The following GCFC2 variants were observed in gnomAD, a reference collection of about 807,000 sequenced individuals.
The protein encoded by GCFC2 is GC-rich sequence DNA-binding factor 2.
A neutral mutation model predicts 99.4 loss-of-function variants in GCFC2; 102 were observed. That is an observed-to-expected ratio of 1.03 (90% CI 0.87 to 1.21). GCFC2 has a LOEUF of 1.21. Ranked by LOEUF, GCFC2 falls within the 50% of genes most tolerant of loss-of-function variation. GCFC2 has a pLI of 0.00. For missense variants in GCFC2, 973 were observed against 920.9 expected, an observed-to-expected ratio of 1.06 and a Z score of -0.73; for synonymous variants, 338 against 316.8, an observed-to-expected ratio of 1.07 and a Z score of -0.71.
Position 75,710,584 on chromosome 2 carries a change from T to G in GCFC2, c.265+7A>C. On this transcript the variant is annotated splice_region_variant and intron_variant, in intron 1 of 16. Transcript: ENST00000321027. ...ACCTCCCCGCTTCCCCGCGTCTCCC[T>G]GGACACCTGAGCCTTCGTCCGCGCG... The G allele has an allele frequency of 6.6e-7, 1 of 1,507,660 alleles. No individual in the cohort carries two copies. Among genetic ancestry groups the G allele is most frequent in the Non-Finnish European group, 8.8e-7 (1 of 1,135,160 alleles). 93.4% of individuals were successfully genotyped at this position (1,507,660 alleles called of 1,614,324 possible). A position where few individuals can be genotyped will look rare whatever the true frequency, so the allele number is the denominator to read the frequency against.
chr2:75,705,426 A>G (rs774377948), intron 2 of GCFC2, among the ~76,000 whole-genome samples: 24 of 152,160 alleles, frequency 1.6e-4, no homozygotes, highest in Non-Finnish European at 3.2e-4. Context: ...GATCGAGACC[A>G]TCTTGGCTAA....
chr2:75,675,674 G>T (rs1679297754), intron 12 of GCFC2, among the ~76,000 whole-genome samples: 2 of 151,032 alleles, frequency 1.3e-5, no homozygotes, highest in African/African-American at 4.9e-5. Flanking sequence ...AACACAGGAG[G>T]TGGAGGTTGC....
upstream of GCFC2, among the ~76,000 whole-genome samples, chr2:75,712,514 G>A (rs1573107560): frequency 6.6e-6 from 1 of 152,334 alleles, no homozygotes; most frequent in South Asian, 2.1e-4. Context: ...TCAGCAGGAT[G>A]TGGGTGGGGC....
At chr2:75,703,148 G>A (rs1239379659) in intron 2 of GCFC2, among the ~76,000 whole-genome samples, 1 of 151,818 alleles carries the variant, frequency 6.6e-6, no homozygotes, top group East Asian at 1.9e-4. Flanking sequence ...AATTTAAAAC[G>A]AGTTTCTTCA....
rs151110839 is a variant in GCFC2 at position 75,686,615 on chromosome 2, G to A, written c.1690+1212C>T. On this transcript the variant is annotated intron_variant, in intron 11 of 16. Coordinates refer to ENST00000321027, the MANE Select transcript of GCFC2 (RefSeq NM_003203.5). ...AAAAATTAGCTGGGTATGGTGGCAC[G>A]CGCCTGGAGTCCTAGCTAATTGGGA... Among the ~76,000 whole-genome samples the A allele has an allele frequency of 1.9e-4, 29 of 152,180 alleles. No individual in the cohort carries two copies. The East Asian group carries it at 5.2e-3, about 27-fold the overall frequency.
At chr2:75,709,302 C>T (rs1190454422) in intron 1 of GCFC2, among the ~76,000 whole-genome samples, 2 of 152,132 alleles carry the variant, frequency 1.3e-5, no homozygotes, top group African/African-American at 4.8e-5. Context: ...AAAAGGAACT[C>T]CTGACTTCAA....
chr2:75,701,546 A>C (rs1680591303), intron 3 of GCFC2, among the ~76,000 whole-genome samples: 1 of 152,164 alleles, frequency 6.6e-6, no homozygotes, highest in African/African-American at 2.4e-5. Flanking sequence ...CATAACCTGC[A>C]CTCCTATCAC....
intron 12 of GCFC2, among the ~76,000 whole-genome samples, chr2:75,675,453 A>G (rs898316298): frequency 2.6e-5 from 4 of 152,174 alleles, no homozygotes; most frequent in Admixed American, 2.0e-4. Flanking sequence ...ACAAAACATA[A>G]ATTCACTGGC....
In GCFC2 at chr2:75,684,651, T is replaced by C. The variant is rs557104297; in HGVS notation, c.1690+3176A>G. Among the ~76,000 whole-genome samples, 24 of 152,362 alleles carry C rather than the reference T, an allele frequency of 1.6e-4. No individual in the cohort carries two copies. In the East Asian group the frequency reaches 4.2e-3, roughly 27 times the overall value. ...CCATTGTGGAAGACAGTGTGGCGAC[T>C]GCTCAAGGATCTAGAACTAGAAATA... is the stretch of plus-strand genomic sequence containing the variant. On this transcript the variant is annotated intron_variant, in intron 11 of 16. Coordinates refer to ENST00000321027, the MANE Select transcript of GCFC2 (RefSeq NM_003203.5).
chr2:75,698,033 A>C (rs539723069), intron 4 of GCFC2: 1 of 152,380 alleles, frequency 6.6e-6, no homozygotes, highest in East Asian at 1.9e-4. Context: ...CAGGAGCCAC[A>C]GGAAAGTAAC....
At chr2:75,701,503 T>C (rs1373066932) in intron 3 of GCFC2, 1 of 502,782 alleles carries the variant, frequency 2.0e-6, no homozygotes. Context: ...AGGACTATGT[T>C]GAAGCTGGAA....
chr2:75,706,584 A>T lies in GCFC2; in HGVS notation c.333T>A (p.Asp111Glu). Reference protein sequence around the residue: ...DKIHHSSESKDDQGLSSDSSS... With the variant: ...DKIHHSSESKEDQGLSSDSSS... ...AACTGTCAGAAGACAAACCCTGATCATCCTTACTTTCTGAGGAGTGATGTA... is the reference window on the plus strand; with the variant it reads ...AACTGTCAGAAGACAAACCCTGATCTTCCTTACTTTCTGAGGAGTGATGTA... The change falls in exon 2 of 17, where the codon GAT (aspartate) becomes GAA (glutamate). Residue 111 changes from aspartate to glutamate, a missense_variant. Asp to Glu is a conservative substitution (Grantham distance 45). Transcript: ENST00000321027. 1 of 1,600,168 alleles carries T rather than the reference A, an allele frequency of 6.2e-7. No individual in the cohort carries two copies. Among genetic ancestry groups the T allele is most frequent in the Non-Finnish European group, 8.6e-7 (1 of 1,167,456 alleles).
intron 5 of GCFC2, among the ~76,000 whole-genome samples, chr2:75,695,820 C>T (rs909955907): frequency 4.6e-5 from 7 of 152,124 alleles, no homozygotes; most frequent in African/African-American, 1.7e-4. Context: ...GCTTACAGAG[C>T]AAAGAGATGC....
intron 4 of GCFC2, among the ~76,000 whole-genome samples, chr2:75,700,481 C>T (rs1427979317): frequency 6.6e-5 from 10 of 151,490 alleles, no homozygotes; most frequent in Admixed American, 6.6e-4. Flanking sequence ...GTAGATATAC[C>T]ATTGCGGTGA....
At chr2:75,670,939 T>C (rs2104211639) in intron 14 of GCFC2, 1 of 152,344 alleles carries the variant, frequency 6.6e-6, no homozygotes, top group African/African-American at 2.4e-5. Flanking sequence ...GTTGATGTTG[T>C]TCCCTCTTCC....
At chr2:75,691,829 T>C (rs1358774089) in intron 7 of GCFC2, 148 bp downstream of exon 7, 2 of 333,864 alleles carry the variant, frequency 6.0e-6, no homozygotes, top group East Asian at 1.1e-4. Flanking sequence ...GTCCTATTTC[T>C]AAATGTTTTG....
intron 6 of GCFC2, among the ~76,000 whole-genome samples, chr2:75,693,877 C>G (rs1463445064): frequency 6.6e-6 from 1 of 152,038 alleles, no homozygotes; most frequent in Non-Finnish European, 1.5e-5. Context: ...TATTCCTAAT[C>G]TAGTAAACTA....
In GCFC2 at chr2:75,706,598, A is replaced by T. The variant is rs1680876742; in HGVS notation, c.319T>A (p.Ser107Thr). Reference protein sequence around the residue: ...TDEEDKIHHSSESKDDQGLSS... With the variant: ...TDEEDKIHHSTESKDDQGLSS... The stretch of plus-strand genomic sequence containing the variant: ...AAACCCTGATCATCCTTACTTTCTG[A>T]GGAGTGATGTATTTTATCCTCTTCA... The change falls in exon 2 of 17, where the codon TCA (serine) becomes ACA (threonine). Residue 107 changes from serine to threonine, a missense_variant. Ser to Thr is a moderately conservative substitution (Grantham distance 58). Transcript: ENST00000321027. The T allele has an allele frequency of 3.8e-6, 6 of 1,595,348 alleles. No homozygotes were observed. Among genetic ancestry groups the T allele is most frequent in the Non-Finnish European group, 5.2e-6 (6 of 1,163,012 alleles).
upstream of GCFC2, among the ~76,000 whole-genome samples, chr2:75,712,736 A>C (rs138821504): frequency 0.1 from 15,221 of 152,080 alleles, 808 homozygotes; most frequent in Non-Finnish European, 0.13. Flanking sequence ...AACCCACCAG[A>C]AGGAAGAAAC....
Sources: allele counts gnomAD v4.1 joint callset (sites outside exome capture counted in the v4.1 genomes callset), GRCh38; gene constraint gnomAD v4.1.1; transcripts MANE v1.5; gene names NCBI Gene and HGNC (gene_info 2026-07-23, HGNC 2026-07-21).